The following HSPA12A variants were observed in gnomAD, a reference collection of about 807,000 sequenced individuals.
HSPA12A encodes the protein heat shock 70 kDa protein 12A.
In HSPA12A, 28 loss-of-function variants were observed where a neutral mutation model predicts 69.2. The ratio of observed to expected loss-of-function variants is 0.40; its 90% CI spans 0.30 to 0.55. The LOEUF is 0.55. Ranked by LOEUF, HSPA12A falls within the 20% of genes least tolerant of loss-of-function variation. The probability of loss-of-function intolerance (pLI) is 0.38; values close to 1 mark genes in which losing one functional copy is unlikely to be tolerated. For missense variants in HSPA12A, 686 were observed against 900.7 expected (o/e 0.76, Z 3.05); for synonymous variants, 345 against 370.5 (o/e 0.93, Z 0.79).
chr10:116,781,739 C>T (rs1454745146), intron 2 of HSPA12A, among the ~76,000 whole-genome samples: 1 of 152,192 alleles, frequency 6.6e-6, no homozygotes, highest in Non-Finnish European at 1.5e-5. Context: ...GTCAGCTACA[C>T]CGAGTGCCTG....
chr10:116,813,971 A>T (rs1451002325), intron 2 of HSPA12A, among the ~76,000 whole-genome samples: 1 of 152,206 alleles, frequency 6.6e-6, no homozygotes, highest in Non-Finnish European at 1.5e-5. Flanking sequence ...TCCAAAAGAA[A>T]AAAAGACAAT....
chr10:116,674,256 G>C lies in HSPA12A; in HGVS notation c.*525C>G, dbSNP rs572645601. On this transcript the variant is annotated 3_prime_UTR_variant, in exon 12 of 12. Transcript: ENST00000369209. ...CTACCACCAGCTAAAAACATTCCCAGTTCCCACTGAATCACCACTTTTAAT... is the reference window on the plus strand; with the variant it reads ...CTACCACCAGCTAAAAACATTCCCACTTCCCACTGAATCACCACTTTTAAT... 1 of 159,724 alleles carries C rather than the reference G, an allele frequency of 6.3e-6. No homozygotes were observed. Among genetic ancestry groups the C allele is most frequent in the South Asian group, 1.8e-4 (1 of 5,514 alleles). The allele number at this position is 159,724 out of a possible 1,614,324, so 9.9% of individuals were successfully genotyped here.
intron 1 of HSPA12A, among the ~76,000 whole-genome samples, chr10:116,740,965 A>T (rs1851485121): frequency 2.7e-5 from 1 of 37,134 alleles, no homozygotes. Flanking sequence ...AAAAAGTAAA[A>T]AAAAAAAAAA....
rs559631015 is a variant in HSPA12A at position 116,848,352 on chromosome 10, T to C, written c.3+1214A>G. Among the ~76,000 whole-genome samples the C allele has an allele frequency of 5.3e-5, 8 of 152,346 alleles. No homozygotes were observed. The South Asian group carries it at 8.3e-4, about 16-fold the overall frequency. On this transcript the variant is annotated intron_variant, in intron 1 of 12. Coordinates refer to the HSPA12A transcript ENST00000635765. ...GTCTGGGTTTGTGTAACAGTACTTA[T>C]AGCATCACATTTTTATGCATCTGCA... is the stretch of plus-strand genomic sequence containing the variant.
At chr10:116,830,386 A>T (rs1418527538) in intron 2 of HSPA12A, 1 of 152,214 alleles carries the variant, frequency 6.6e-6, no homozygotes, top group Admixed American at 6.5e-5. Context: ...CTTTATACAG[A>T]AAATATATGT....
At chr10:116,706,214 A>G (rs540495664) in intron 2 of HSPA12A, among the ~76,000 whole-genome samples, 1 of 148,364 alleles carries the variant, frequency 6.7e-6, no homozygotes, top group South Asian at 2.1e-4. Flanking sequence ...TTTTTTAAGC[A>G]GTTTACACTT....
In HSPA12A at chr10:116,831,357, G is replaced by A. The variant is rs113075962; in HGVS notation, c.91+3578C>T. ...TCCTAATAGCATGTGTTTGGCAGGG[G>A]AACAAAAGGAAGAAAAGGCATTTAT... On this transcript the variant is annotated intron_variant, in intron 2 of 12. Coordinates refer to the HSPA12A transcript ENST00000635765. 2.9e-3 allele frequency: 449 copies of A among 152,312 alleles called. 1 individual carries two copies. Among genetic ancestry groups the A allele is most frequent in the Non-Finnish European group, 3.4e-3 (234 of 68,054 alleles). The allele number at this position is 152,312 out of a possible 1,614,324, so 9.4% of individuals were successfully genotyped here.
rs782789537 is a variant in HSPA12A at position 116,675,255 on chromosome 10, G to A, written c.1554C>T (p.Ala518=). Residue 518 remains alanine (A), a synonymous_variant, in exon 12 of 12, where the codon GCC becomes GCT. Coordinates refer to ENST00000369209, the MANE Select transcript of HSPA12A (RefSeq NM_025015.3). This position sits in a 1 kb window ranked among gnomAD's most constrained non-coding sequence, Gnocchi z 5.2. Reference sequence around the variant, plus strand: ...CCGCGGGGTCCAGGCCAAAGAGGACGGCACCCTTGAGGATGGTGAGGCCCA... The same window carrying A: ...CCGCGGGGTCCAGGCCAAAGAGGACAGCACCCTTGAGGATGGTGAGGCCCA... ...QDVGLTILKG[A]VLFGLDPAVI... is the part of the protein sequence containing the mutation. 16 of 1,613,618 alleles carry A rather than the reference G, an allele frequency of 9.9e-6. No homozygotes were observed. The South Asian group carries it at 1.4e-4, about 14-fold the overall frequency.
At chr10:116,776,990 C>T (rs1844352626) in intron 2 of HSPA12A, among the ~76,000 whole-genome samples, 1 of 152,196 alleles carries the variant, frequency 6.6e-6, no homozygotes, top group South Asian at 2.1e-4. Context: ...ACTGCAGAAG[C>T]ATCAAGGAAG....
chr10:116,743,661 G>A (rs1380615235), upstream of HSPA12A, among the ~76,000 whole-genome samples: 1 of 152,150 alleles, frequency 6.6e-6, no homozygotes, highest in Admixed American at 6.5e-5. Flanking sequence ...AGGCTTCATC[G>A]TACAATCCCG....
At chr10:116,742,038 C>A (rs373278492) in intron 1 of HSPA12A, among the ~76,000 whole-genome samples, 1 of 152,150 alleles carries the variant, frequency 6.6e-6, no homozygotes, top group Non-Finnish European at 1.5e-5. Flanking sequence ...CGGCGGCGGG[C>A]CCTTTACCCA....
intron 2 of HSPA12A, among the ~76,000 whole-genome samples, chr10:116,772,970 G>C (rs536256381): frequency 9.9e-5 from 15 of 152,238 alleles, no homozygotes; most frequent in African/African-American, 3.6e-4. Flanking sequence ...CCAAAGTGCT[G>C]GTATTAACAG....
At chr10:116,787,056 T>C (rs1270172469) in intron 2 of HSPA12A, among the ~76,000 whole-genome samples, 1 of 151,852 alleles carries the variant, frequency 6.6e-6, no homozygotes, top group Non-Finnish European at 1.5e-5. Flanking sequence ...TCTGCTTTAA[T>C]TGGTCTGGGA....
intron 2 of HSPA12A, among the ~76,000 whole-genome samples, chr10:116,824,524 AACC>A (rs1235602927): frequency 1.3e-5 from 2 of 152,346 alleles, no homozygotes; most frequent in East Asian, 3.9e-4. Context: ...TGGACAAACA[AACC>A]ATGTTCTATC....
At chr10:116,683,715 A>C (rs1361224820) in intron 7 of HSPA12A, 76 bp downstream of exon 7, 1 of 1,369,304 alleles carries the variant, frequency 7.3e-7, no homozygotes, top group African/African-American at 1.4e-5. Context: ...GTGCCTTTAA[A>C]ATCATCAGAG....
intron 2 of HSPA12A, among the ~76,000 whole-genome samples, chr10:116,761,025 G>T (rs1014378053): frequency 5.3e-5 from 8 of 150,152 alleles, no homozygotes; most frequent in Admixed American, 2.0e-4. Context: ...TAAAAAAAAA[G>T]AAAAAAGTAA....
chr10:116,758,917 A>G (rs570120810), intron 2 of HSPA12A, among the ~76,000 whole-genome samples: 1 of 152,168 alleles, frequency 6.6e-6, no homozygotes, highest in Non-Finnish European at 1.5e-5. Context: ...CTGGTTCCTG[A>G]CAACAGAATC....
rs71013609 is a variant in HSPA12A at position 116,696,002 on chromosome 10, C to CAAAAAAAAAAAAAAAAAAAA, written c.546+2613_546+2632dup. ...TGGGCAACAGAGAGAGACTCCATCT[C>CAAAAAAAAAAAAAAAAAAAA]AAAAAAAAAAAAAAAAAAAAAGGCT... On this transcript the variant is annotated intron_variant, in intron 5 of 11. Transcript: ENST00000369209. Among the ~76,000 whole-genome samples, 147 of 32,702 alleles carry CAAAAAAAAAAAAAAAAAAAA rather than the reference C, an allele frequency of 4.5e-3. 15 individuals are homozygous for CAAAAAAAAAAAAAAAAAAAA. Among genetic ancestry groups the CAAAAAAAAAAAAAAAAAAAA allele is most frequent in the East Asian group, 5.6e-3 (6 of 1,068 alleles). The allele number at this position is 32,702 out of a possible 152,430, so 21.5% of individuals were successfully genotyped here.
At chr10:116,687,836 G>C (rs1327274029) in intron 6 of HSPA12A, among the ~76,000 whole-genome samples, 5 of 152,176 alleles carry the variant, frequency 3.3e-5, no homozygotes, top group African/African-American at 1.2e-4. Flanking sequence ...CCCTCCACTG[G>C]GGCCCCTGCC....
Sources: allele counts gnomAD v4.1 joint callset (sites outside exome capture counted in the v4.1 genomes callset), GRCh38; gene constraint gnomAD v4.1.1; non-coding constraint Gnocchi (gnomAD v3.1); transcripts MANE v1.5; gene names NCBI Gene and HGNC (gene_info 2026-07-23, HGNC 2026-07-21).